BIRC6: variants seen among roughly 807,000 people sequenced by gnomAD.
The protein encoded by BIRC6 is baculoviral IAP repeat containing 6.
In BIRC6, 98 loss-of-function variants were observed where a neutral mutation model predicts 503.3. That is an observed-to-expected ratio of 0.19 (90% CI 0.17 to 0.23). The LOEUF (loss-of-function observed/expected upper bound fraction) is 0.23. Ranked by LOEUF, BIRC6 falls within the 10% of genes least tolerant of loss-of-function variation. The pLI is 1.00. For missense variants in BIRC6, 5,360 were observed against 5,806.0 expected (o/e 0.92, Z 2.50); for synonymous variants, 2,240 against 2,078.7 (o/e 1.08, Z -2.11).
At chr2:32,450,182 A>G (rs1389425137) in intron 22 of BIRC6, among the ~76,000 whole-genome samples, 1 of 152,220 alleles carries the variant, frequency 6.6e-6, no homozygotes, top group Non-Finnish European at 1.5e-5. Flanking sequence ...AGGAATTTAG[A>G]AATCATGATA....
At position 32,503,104 on chromosome 2, in the gene BIRC6, A is replaced by G. The variant is rs1263563865; in HGVS notation, c.9367A>G (p.Arg3123Gly). 1.9e-5 allele frequency: 31 copies of G among 1,611,432 alleles called. No individual in the cohort carries two copies. The highest frequency in any genetic ancestry group is 2.6e-5 in the Non-Finnish European group (31 of 1,178,614). ...TACAAGGGCTATTGTGAACACTGCA[A>G]GAAGTATGGTATCAACTATTATGAA... The part of the protein sequence containing the change: ...TSTRAIVNTA[R>G]SMVSTIMKFL... The change falls in exon 49 of 74, where the codon AGA (arginine) becomes GGA (glycine). Residue 3123 changes from arginine (R) to glycine (G), a missense_variant. By Grantham distance (125) the Arg-to-Gly change is moderately radical. This residue lies in a region of BIRC6 where 267 missense variants were observed against 287.6 expected (regional missense o/e 0.93). Transcript: ENST00000421745.
rs755308598 is a variant in BIRC6 at position 32,501,905 on chromosome 2, A to T, written c.9207+17A>T. On this transcript the variant is annotated intron_variant, in intron 47 of 73. Coordinates refer to ENST00000421745, the MANE Select transcript of BIRC6 (RefSeq NM_016252.4). ...GGCAGACAAGTAAGTTCAAGCCAACAACAGTTGCAGTGATTCAAATAAATT... is the reference window on the plus strand; with the variant it reads ...GGCAGACAAGTAAGTTCAAGCCAACTACAGTTGCAGTGATTCAAATAAATT... 2 of 1,585,568 alleles carry T rather than the reference A, an allele frequency of 1.3e-6. No individual in the cohort carries two copies. The highest frequency in any genetic ancestry group is 1.7e-6 in the Non-Finnish European group (2 of 1,169,552).
intron 39 of BIRC6, among the ~76,000 whole-genome samples, chr2:32,484,301 C>G (rs1033385681): frequency 2.0e-5 from 3 of 152,028 alleles, no homozygotes; most frequent in African/African-American, 7.2e-5. Context: ...GCCTGTAATC[C>G]CAGCACTTGG....
intron 65 of BIRC6, chr2:32,566,367 T>A (rs1466705209): frequency 1.3e-5 from 2 of 152,202 alleles, no homozygotes; most frequent in Non-Finnish European, 2.9e-5. Flanking sequence ...GCTAATTTTT[T>A]AAATTTTATA....
At chr2:32,546,007 A>AT in intron 63 of BIRC6, 147 bp downstream of exon 63, 1 of 791,972 alleles carries the variant, frequency 1.3e-6, no homozygotes, top group East Asian at 2.7e-5. Context: ...GAAATTGTAA[A>AT]TTAATTGTTT....
At chr2:32,525,709 T>C in intron 59 of BIRC6, 81 bp downstream of exon 59, 2 of 1,372,480 alleles carry the variant, frequency 1.5e-6, no homozygotes. Context: ...GTCACCAAAA[T>C]CATTTTAATC....
Position 32,611,556 on chromosome 2 carries a change from A to G in BIRC6, c.14368A>G (p.Met4790Val), listed in dbSNP as rs763493754. 1.6e-5 allele frequency: 25 copies of G among 1,592,886 alleles called. No individual in the cohort carries two copies. In the Admixed American group the frequency reaches 2.4e-4, roughly 15 times the overall value. The change falls in exon 73 of 74, where the codon ATG becomes GTG. Residue 4790 changes from methionine to valine, a missense_variant. Met to Val is a conservative substitution (Grantham distance 21). Transcript: ENST00000421745. ...YSSDKRVGRT[M>V]SHHAAALKRH... ...CAGTGATAAGCGGGTAGGCAGGACT[A>G]TGTCTCACCATGCAGCAGCTCTCAA...
At chr2:32,473,624 C>T (rs1477054772) in intron 33 of BIRC6, among the ~76,000 whole-genome samples, 3 of 151,112 alleles carry the variant, frequency 2.0e-5, no homozygotes, top group Non-Finnish European at 4.4e-5. Context: ...AACATGGCTT[C>T]AGGGTATTCA....
intron 15 of BIRC6, among the ~76,000 whole-genome samples, chr2:32,437,946 T>C (rs1010257347): frequency 1.3e-5 from 2 of 152,186 alleles, no homozygotes; most frequent in Non-Finnish European, 2.9e-5. Flanking sequence ...AATAGAAATA[T>C]TGGTGTTTTT....
intron 66 of BIRC6, among the ~76,000 whole-genome samples, chr2:32,587,811 G>A (rs1283153684): frequency 1.3e-5 from 2 of 152,074 alleles, no homozygotes; most frequent in Non-Finnish European, 2.9e-5. Flanking sequence ...TTTTCTTACT[G>A]TTTTCCTTTT....
At chr2:32,427,117 AG>A (rs1351711983) in intron 10 of BIRC6, among the ~76,000 whole-genome samples, 3 of 151,946 alleles carry the variant, frequency 2.0e-5, no homozygotes, top group Non-Finnish European at 4.4e-5. Context: ...ATCCTATTTG[AG>A]GGTCATTGAA....
chr2:32,581,855 T>C (rs1171981572), intron 66 of BIRC6, among the ~76,000 whole-genome samples: 2 of 152,154 alleles, frequency 1.3e-5, no homozygotes, highest in Admixed American at 1.3e-4. Context: ...GTGATCTATA[T>C]TTTATTTTAT....
intron 10 of BIRC6, 134 bp downstream of exon 10, chr2:32,416,297 T>C: frequency 1.1e-6 from 1 of 930,250 alleles, no homozygotes; most frequent in Non-Finnish European, 1.6e-6. Flanking sequence ...AAGTGGTAAA[T>C]CCTTCTTTTT....
At chr2:32,502,979 T>C in intron 48 of BIRC6, 63 bp from the exon 49 acceptor site, 1 of 1,516,908 alleles carries the variant, frequency 6.6e-7, no homozygotes, top group Non-Finnish European at 8.9e-7. Context: ...TGTGGAAGTT[T>C]ACTTTTGATG....
chr2:32,492,125 A>G (rs2051802842), intron 44 of BIRC6, among the ~76,000 whole-genome samples: 1 of 152,100 alleles, frequency 6.6e-6, no homozygotes, highest in Non-Finnish European at 1.5e-5. Context: ...CATTTATAAC[A>G]TCTTTTAAAA....
rs190575389 is a variant in BIRC6 at position 32,554,456 on chromosome 2, A to C, written c.13144+4975A>C. Among the ~76,000 whole-genome samples the C allele has an allele frequency of 3.3e-5, 5 of 152,298 alleles. No individual in the cohort carries two copies. The East Asian group carries it at 7.7e-4, about 23-fold the overall frequency. ...TCACTTATTTTCAAGTTGAAAAGCA[A>C]GATATAAATGGATTTTGTCATTATG... is the stretch of plus-strand genomic sequence containing the variant. On this transcript the variant is annotated intron_variant, in intron 65 of 73. Transcript: ENST00000421745.
At chr2:32,596,770 C>T (rs2061702830) in intron 68 of BIRC6, among the ~76,000 whole-genome samples, 1 of 152,178 alleles carries the variant, frequency 6.6e-6, no homozygotes. Flanking sequence ...TGGCAGTGTT[C>T]TTGTACTTGA....
At chr2:32,411,891 T>G (rs1277246180) in intron 9 of BIRC6, among the ~76,000 whole-genome samples, 1 of 152,196 alleles carries the variant, frequency 6.6e-6, no homozygotes, top group Non-Finnish European at 1.5e-5. Flanking sequence ...CAGTTTAGCG[T>G]CAAGAGATTA....
At chr2:32,459,292 A>G (rs1351880369) in intron 23 of BIRC6, among the ~76,000 whole-genome samples, 5 of 152,092 alleles carry the variant, frequency 3.3e-5, no homozygotes, top group Non-Finnish European at 7.4e-5. Context: ...TTCTGGCTGA[A>G]TATTCCATTT....
Sources: gnomAD v4.1 joint callset for allele counts (sites outside exome capture counted in the v4.1 genomes callset) on GRCh38, gnomAD v4.1.1 for gene constraint, gnomAD v4.1.1 regional missense constraint, MANE v1.5 for transcripts, NCBI Gene and HGNC (gene_info 2026-07-23, HGNC 2026-07-21) for gene names.